Variants in OR51B5 observed in about 807,000 individuals in gnomAD.
OR51B5 encodes the protein olfactory receptor family 51 subfamily B member 5.
For synonymous variants in OR51B5, 186 were observed against 144.8 expected (o/e 1.28, Z -2.04); for missense variants, 456 against 374.6 (o/e 1.22, Z -1.79).
chr11:5,342,531 C>T, downstream of OR51B5: 2 of 1,520,012 alleles, frequency 1.3e-6, no homozygotes, highest in Non-Finnish European at 1.8e-6. Context: ...TCTTTGCTCT[C>T]CTGCTAAATA....
At chr11:5,501,931 C>T (rs942696518) in intron 1 of OR51B5, among the ~76,000 whole-genome samples, 4 of 121,196 alleles carry the variant, frequency 3.3e-5, no homozygotes, top group East Asian at 2.2e-4. Flanking sequence ...CCCCAACCCC[C>T]GACAGGCCCG....
At chr11:5,370,952 G>A (rs1849439248) in intron 1 of OR51B5, among the ~76,000 whole-genome samples, 1 of 152,160 alleles carries the variant, frequency 6.6e-6, no homozygotes, top group Non-Finnish European at 1.5e-5. Context: ...CTGGTTCAAT[G>A]AGCAGACAGA....
intron 1 of OR51B5, among the ~76,000 whole-genome samples, chr11:5,360,559 C>G (rs1358490435): frequency 1.3e-5 from 2 of 151,932 alleles, no homozygotes; most frequent in Admixed American, 1.3e-4. Flanking sequence ...TAAACTAGTT[C>G]AACCATTGTG....
intron 1 of OR51B5, among the ~76,000 whole-genome samples, chr11:5,350,142 C>T (rs7483786): frequency 0.12 from 18,677 of 152,186 alleles, 1,323 homozygotes; most frequent in Non-Finnish European, 0.16. Context: ...AAATTATCCA[C>T]TCTTTACAAA....
At chr11:5,483,554 T>TAA (rs199621709) in intron 1 of OR51B5, among the ~76,000 whole-genome samples, 2,841 of 132,696 alleles carry the variant, frequency 0.021, 99 homozygotes, top group African/African-American at 0.068. Context: ...AAAGTACAGC[T>TAA]AAAAAAAAAA....
intron 1 of OR51B5, among the ~76,000 whole-genome samples, chr11:5,380,741 C>A (rs752529016): frequency 7.9e-5 from 12 of 152,132 alleles, no homozygotes; most frequent in Non-Finnish European, 1.3e-4. Flanking sequence ...GTAGATATGT[C>A]TATTTTGTGC....
intron 1 of OR51B5, chr11:5,385,539 C>CT (rs1217663451): frequency 1.3e-5 from 2 of 152,082 alleles, no homozygotes; most frequent in African/African-American, 4.8e-5. Flanking sequence ...ATCTTAGACA[C>CT]TGTCAGGCTC....
At chr11:5,353,113 G>T (rs1849128641) in intron 1 of OR51B5, among the ~76,000 whole-genome samples, 1 of 151,858 alleles carries the variant, frequency 6.6e-6, no homozygotes, top group East Asian at 1.9e-4. Flanking sequence ...GAAGAAATGA[G>T]ACTTTCTTCA....
chr11:5,452,499 T>A (rs891072757), intron 1 of OR51B5, among the ~76,000 whole-genome samples: 1 of 76,676 alleles, frequency 1.3e-5, no homozygotes, highest in Non-Finnish European at 2.2e-5. Context: ...AGAGAGACTC[T>A]GTCTCAAAAA....
At chr11:5,379,490 T>TA in intron 1 of OR51B5, among the ~76,000 whole-genome samples, 1 of 151,568 alleles carries the variant, frequency 6.6e-6, no homozygotes, top group Admixed American at 6.6e-5. Flanking sequence ...AATAAAAAAA[T>TA]AAAAAATAAA....
chr11:5,423,020 G>C (rs981423884), intron 1 of OR51B5: 8 of 1,613,882 alleles, frequency 5.0e-6, no homozygotes, highest in Non-Finnish European at 6.8e-6. Flanking sequence ...CTCTCCACTG[G>C]TCCATGTTAT....
chr11:5,408,157 C>T (rs191703123), intron 1 of OR51B5, among the ~76,000 whole-genome samples: 1 of 152,234 alleles, frequency 6.6e-6, no homozygotes, highest in Admixed American at 6.5e-5. Flanking sequence ...TCCAAATTAG[C>T]TTTCACTGTT....
intron 1 of OR51B5, among the ~76,000 whole-genome samples, chr11:5,349,117 AGGGTGAATGGCTGCAG>A (rs1032234898): frequency 6.6e-6 from 1 of 152,170 alleles, no homozygotes; most frequent in Non-Finnish European, 1.5e-5. Flanking sequence ...ACCCTGGAAG[AGGGTGAATGGCTGCAG>A]GGATGAGGCA....
In OR51B5 at chr11:5,389,985, T is replaced by C. The variant is rs762182841; in HGVS notation, n.85-43075A>G. 89 of 1,612,598 alleles carry C rather than the reference T, an allele frequency of 5.5e-5. No homozygotes were observed. The Admixed American group carries it at 1.5e-3, about 27-fold the overall frequency. On this transcript the variant is annotated intron_variant and non_coding_transcript_variant, in intron 1 of 4. Coordinates refer to the OR51B5 transcript ENST00000415970. ...CACTCATTTTGCCTGCACCAGGAAG[T>C]GATACAGCTGGCCTGCACAGATATC... is the stretch of plus-strand genomic sequence containing the variant.
downstream of OR51B5, among the ~76,000 whole-genome samples, chr11:5,341,847 A>G (rs1848899721): frequency 2.0e-5 from 3 of 152,200 alleles, no homozygotes; most frequent in Non-Finnish European, 4.4e-5. Context: ...GGGTAGTAGA[A>G]TAAGAATGAG....
In OR51B5 at chr11:5,351,835, T is replaced by C. The variant is rs764550271; in HGVS notation, n.85-4925A>G. 8 of 1,613,802 alleles carry C rather than the reference T, an allele frequency of 5.0e-6. No individual in the cohort carries two copies. The highest frequency in any genetic ancestry group is 1.6e-4 in the Middle Eastern group (1 of 6,080). ...TATCCATACTCTTTCTGTCATGGAG[T>C]CAGGTGTCTTGCTTGCCATGGCTTA... is the stretch of plus-strand genomic sequence containing the variant. On this transcript the variant is annotated intron_variant and non_coding_transcript_variant, in intron 1 of 4. Coordinates refer to the OR51B5 transcript ENST00000415970.
chr11:5,429,656 C>G (rs896796248), intron 1 of OR51B5, among the ~76,000 whole-genome samples: 1 of 151,946 alleles, frequency 6.6e-6, no homozygotes, highest in African/African-American at 2.4e-5. Context: ...CCCACTAGAC[C>G]CATGATTATG....
At chr11:5,377,934 T>C (rs889136332) in intron 1 of OR51B5, among the ~76,000 whole-genome samples, 107 of 152,062 alleles carry the variant, frequency 7.0e-4, no homozygotes, top group Middle Eastern at 3.2e-3. Flanking sequence ...CTACCAATGA[T>C]TTTCTTCACA....
chr11:5,353,603 A>G (rs1564917337), intron 1 of OR51B5, among the ~76,000 whole-genome samples: 1 of 152,232 alleles, frequency 6.6e-6, no homozygotes, highest in Non-Finnish European at 1.5e-5. Flanking sequence ...TTGTGGTCCT[A>G]TGGCCAGGTG....
Sources: gnomAD v4.1 joint callset for allele counts (sites outside exome capture counted in the v4.1 genomes callset) on GRCh38, gnomAD v4.1.1 for gene constraint, MANE v1.5 for transcripts, NCBI Gene and HGNC (gene_info 2026-07-23, HGNC 2026-07-21) for gene names.